The following GPR173 variants were observed in gnomAD, a reference collection of about 807,000 sequenced individuals.
GPR173 encodes the protein G protein-coupled receptor 173.
Under a neutral mutation model 13.9 loss-of-function variants are expected in GPR173, and 2 were observed. The observed-to-expected ratio is 0.14, with a 90% CI of 0.06 to 0.45. The LOEUF (loss-of-function observed/expected upper bound fraction) is 0.45, where lower values mean the gene tolerates loss of function less well. Ranked by LOEUF, GPR173 falls within the 20% of genes least tolerant of loss-of-function variation. The pLI, the probability that GPR173 is intolerant of heterozygous loss-of-function variation, is 0.98. For missense variants in GPR173, 202 were observed against 340.5 expected (o/e 0.59, Z 3.20); for synonymous variants, 131 against 141.0 (o/e 0.93, Z 0.50).
chrX:53,061,676 G>T (rs1315163935), intron 1 of GPR173, among the ~76,000 whole-genome samples: 1 of 111,711 alleles, frequency 9.0e-6, no homozygotes, highest in African/African-American at 3.3e-5. Flanking sequence ...TTTTAGGGGA[G>T]TTATTAAATA....
intron 1 of GPR173, chrX:53,065,179 A>G (rs1327700897): frequency 8.9e-6 from 1 of 112,250 alleles, no homozygotes; most frequent in Non-Finnish European, 1.9e-5. Flanking sequence ...TTTGACACAG[A>G]TATAAACTTC....
chrX:53,065,911 G>A (rs189330153), intron 1 of GPR173, among the ~76,000 whole-genome samples: 1 of 110,604 alleles, frequency 9.0e-6, no homozygotes, highest in East Asian at 2.8e-4. Flanking sequence ...ACCAACCTGG[G>A]CAACGTGACG....
chrX:53,066,277 A>G (rs1932182597), intron 1 of GPR173, among the ~76,000 whole-genome samples: 1 of 111,827 alleles, frequency 8.9e-6, no homozygotes, highest in Admixed American at 9.6e-5. Flanking sequence ...CACCCAGGGA[A>G]CCATACTTGA....
At position 53,080,523 on chromosome X, in the gene GPR173, C is replaced by G. The variant is rs1932521265; in HGVS notation, c.*2780C>G. 8.2e-6 allele frequency: 1 copy of G among 122,445 alleles called. No individual in the cohort carries two copies. Among genetic ancestry groups the G allele is most frequent in the Non-Finnish European group, 1.9e-5 (1 of 53,159 alleles). 10.1% of individuals were successfully genotyped at this position (122,445 alleles called of 1,213,427 possible). On this transcript the variant is annotated 3_prime_UTR_variant, in exon 2 of 2. Transcript: ENST00000332582. The stretch of plus-strand genomic sequence containing the variant: ...TTTAACGTACGTCCTTCCAATCCAC[C>G]GTTCATGTGTTTATTTACATATATG...
At chrX:53,056,535 G>A (rs1194866257) in intron 1 of GPR173, among the ~76,000 whole-genome samples, 1 of 110,408 alleles carries the variant, frequency 9.1e-6, no homozygotes, top group African/African-American at 3.3e-5. Flanking sequence ...AATCTGGGGG[G>A]TGTGCATGTG....
intron 1 of GPR173, among the ~76,000 whole-genome samples, chrX:53,053,853 T>C (rs1931994891): frequency 8.9e-6 from 1 of 112,493 alleles, no homozygotes; most frequent in Admixed American, 9.4e-5. Context: ...TACTGGGCTT[T>C]TGTGGGGGTC....
intron 1 of GPR173, among the ~76,000 whole-genome samples, chrX:53,073,561 T>C (rs1486381677): frequency 1.0e-4 from 11 of 108,181 alleles, no homozygotes; most frequent in African/African-American, 3.7e-4. Flanking sequence ...CCTGGATGTC[T>C]CCAGGGCACC....
chrX:53,063,184 A>G (rs782363189), intron 1 of GPR173, among the ~76,000 whole-genome samples: 1 of 110,295 alleles, frequency 9.1e-6, no homozygotes, highest in Admixed American at 9.8e-5. Context: ...AAAGGAAGCC[A>G]TGGTTCCACA....
intron 1 of GPR173, among the ~76,000 whole-genome samples, chrX:53,067,925 T>C (rs1314751211): frequency 8.9e-6 from 1 of 112,405 alleles, no homozygotes; most frequent in Non-Finnish European, 1.9e-5. Context: ...AATATTTTTA[T>C]GTAAAAACAA....
At chrX:53,074,102 A>ATG (rs1932346945) in intron 1 of GPR173, among the ~76,000 whole-genome samples, 1 of 11,155 alleles carries the variant, frequency 9.0e-5, no homozygotes, top group Non-Finnish European at 1.5e-4. Context: ...ATATAAATAT[A>ATG]TAAATATACA....
intron 1 of GPR173, among the ~76,000 whole-genome samples, chrX:53,073,794 T>G (rs1234276946): frequency 2.5e-5 from 2 of 80,215 alleles, no homozygotes; most frequent in Non-Finnish European, 4.5e-5. Flanking sequence ...TATATAATTT[T>G]TATATATTTA....
At chrX:53,066,232 T>C (rs1932182031) in intron 1 of GPR173, among the ~76,000 whole-genome samples, 1 of 112,325 alleles carries the variant, frequency 8.9e-6, no homozygotes, top group African/African-American at 3.2e-5. Flanking sequence ...TAATAAGTCT[T>C]CTTTAGTATT....
At position 53,073,988 on chromosome X, in the gene GPR173, A is replaced by AATAAATATAAATAT. The variant is rs1932330539; in HGVS notation, c.-97-2534_-97-2533insAATATAAATATATA. On this transcript the variant is annotated intron_variant, in intron 1 of 1. Coordinates refer to ENST00000332582, the MANE Select transcript of GPR173 (RefSeq NM_018969.6). ...AAATATATATTTATATTTATATATA[A>AATAAATATAAATAT]ATATACATAAATATATATTATACAT... is the stretch of plus-strand genomic sequence containing the variant. 5.2e-3 allele frequency among the ~76,000 whole-genome samples: 66 copies of AATAAATATAAATAT among 12,777 alleles called. 2 individuals carry two copies. The highest frequency in any genetic ancestry group is 6.7e-3 in the Non-Finnish European group (59 of 8,857). 11.1% of individuals were successfully genotyped at this position (12,777 alleles called of 115,157 possible).
At chrX:53,072,393 GCTCT>G (rs111935395) in intron 1 of GPR173, among the ~76,000 whole-genome samples, 99 of 90,094 alleles carry the variant, frequency 1.1e-3, no homozygotes, top group Admixed American at 3.2e-3. Flanking sequence ...TCTCTCTCTT[GCTCT>G]CTCTCTCTCT....
chrX:53,076,594 G>C lies in GPR173; in HGVS notation c.-28G>C. ...GAGTACCGGACTGGCTGACCCCCTA[G>C]GGTTGGCAGTAGCCCCTGACCCTCA... On this transcript the variant is annotated 5_prime_UTR_variant, in exon 2 of 2. It removes the in-frame stop codon of an upstream open reading frame in the 5' UTR. Coordinates refer to ENST00000332582, the MANE Select transcript of GPR173 (RefSeq NM_018969.6). 1 of 1,157,085 alleles carries C rather than the reference G, an allele frequency of 8.6e-7. No individual in the cohort carries two copies. The highest frequency in any genetic ancestry group is 1.2e-6 in the Non-Finnish European group (1 of 863,526).
rs1932446755 is a variant in GPR173 at position 53,077,086 on chromosome X, C to T, written c.465C>T (p.Ala155=). 1 of 1,208,637 alleles carries T rather than the reference C, an allele frequency of 8.3e-7. No homozygotes were observed. Among genetic ancestry groups the T allele is most frequent in the Non-Finnish European group, 1.1e-6 (1 of 893,675 alleles). ...CMAWTLSVAM[A]FPPVFDVGTY... is the part of the protein sequence containing the mutation. ...CCTGGACCCTGTCTGTGGCCATGGCCTTCCCACCTGTCTTTGACGTGGGCA... is the reference window on the plus strand; with the variant it reads ...CCTGGACCCTGTCTGTGGCCATGGCTTTCCCACCTGTCTTTGACGTGGGCA... Residue 155 remains alanine (A), a synonymous_variant, in exon 2 of 2, where the codon GCC becomes GCT. Transcript: ENST00000332582.
At chrX:53,074,005 A>ATATATAAATATATAAATATAAAT (rs1932333267) in intron 1 of GPR173, among the ~76,000 whole-genome samples, 1 of 18,713 alleles carries the variant, frequency 5.3e-5, no homozygotes, top group African/African-American at 5.3e-4. Context: ...ATAAATATAT[A>ATATATAAATATATAAATATAAAT]TTATACATAA....
At position 53,053,450 on chromosome X, in the gene GPR173, G is replaced by A. The variant is rs782184356; in HGVS notation, c.-98+3966G>A. 9.7e-5 allele frequency among the ~76,000 whole-genome samples: 11 copies of A among 113,077 alleles called. No homozygotes were observed. In the South Asian group the frequency reaches 1.4e-3, roughly 15 times the overall value. ...CCCCTGTGTTTGTGAGTGAATGTAC[G>A]TCATTCATGGGCATTATGTCATGTG... On this transcript the variant is annotated intron_variant, in intron 1 of 1. Transcript: ENST00000332582.
At chrX:53,052,438 TGTGA>T (rs1556802804) in intron 1 of GPR173, among the ~76,000 whole-genome samples, 1 of 111,415 alleles carries the variant, frequency 9.0e-6, no homozygotes, top group African/African-American at 3.3e-5. Context: ...TTTCTGAGTA[TGTGA>T]GTGTGAATGT....
Sources: allele counts gnomAD v4.1 joint callset (sites outside exome capture counted in the v4.1 genomes callset), GRCh38; gene constraint gnomAD v4.1.1; transcripts MANE v1.5; gene names NCBI Gene and HGNC (gene_info 2026-07-23, HGNC 2026-07-21).